Variants in PFKFB4 observed in about 807,000 individuals in gnomAD.
PFKFB4 encodes the protein 6-phosphofructo-2-kinase/fructose-2,6-bisphosphatase 4.
Under a neutral mutation model 62.8 loss-of-function variants are expected in PFKFB4, and 42 were observed. The observed-to-expected ratio is 0.67, with a 90% confidence interval of 0.52 to 0.86. The LOEUF (loss-of-function observed/expected upper bound fraction) is 0.86, where lower values mean the gene tolerates loss of function less well. Ranked by LOEUF, PFKFB4 falls within the 40% of genes least tolerant of loss-of-function variation. The probability of loss-of-function intolerance (pLI) is 0.00; values close to 1 mark genes in which losing one functional copy is unlikely to be tolerated. For missense variants in PFKFB4, 475 were observed against 627.2 expected (o/e 0.76, Z 2.59); for synonymous variants, 204 against 240.7 (o/e 0.85, Z 1.41).
At chr3:48,553,974 C>T (rs1182357578) in intron 1 of PFKFB4, among the ~76,000 whole-genome samples, 1 of 152,168 alleles carries the variant, frequency 6.6e-6, no homozygotes, top group East Asian at 1.9e-4. Flanking sequence ...TCCTCCAGGT[C>T]TGAGCTCGGA....
At chr3:48,549,474 C>T (rs1029325961) in intron 3 of PFKFB4, among the ~76,000 whole-genome samples, 2 of 152,110 alleles carry the variant, frequency 1.3e-5, no homozygotes, top group African/African-American at 2.4e-5. Context: ...CTGGGGTGAG[C>T]GAGCGTGACC....
At chr3:48,523,139 C>A (rs2042149416) in intron 12 of PFKFB4, among the ~76,000 whole-genome samples, 1 of 150,418 alleles carries the variant, frequency 6.6e-6, no homozygotes, top group South Asian at 2.2e-4. Context: ...AATCCCAGCA[C>A]TTTGGGAGGC....
At chr3:48,527,835 A>C (rs2042312475) in intron 9 of PFKFB4, among the ~76,000 whole-genome samples, 1 of 151,888 alleles carries the variant, frequency 6.6e-6, no homozygotes, top group Admixed American at 6.6e-5. Flanking sequence ...TTACAGGCAC[A>C]GGCCACCATG....
In PFKFB4 at chr3:48,538,545, A is replaced by G; in HGVS notation, c.585T>C (p.Ile195=). The G allele has an allele frequency of 6.2e-7, 1 of 1,614,164 alleles. No homozygotes were observed. Among genetic ancestry groups the G allele is most frequent in the South Asian group, 1.1e-5 (1 of 91,088 alleles). The change falls in exon 7 of 14, where the codon ATT becomes ATC. Residue 195 remains isoleucine, a synonymous_variant. Coordinates refer to ENST00000232375, the MANE Select transcript of PFKFB4 (RefSeq NM_004567.4). ...DEATEDFMRR[I]ECYENSYESL... ...ACTCGTAGGAGTTCTCATAGCACTCAATGCGCCTCATGAAGTCCTCCGTAG... is the reference window on the plus strand; with the variant it reads ...ACTCGTAGGAGTTCTCATAGCACTCGATGCGCCTCATGAAGTCCTCCGTAG...
intron 9 of PFKFB4, among the ~76,000 whole-genome samples, chr3:48,530,713 T>G (rs1035683273): frequency 6.6e-6 from 1 of 152,206 alleles, no homozygotes; most frequent in Non-Finnish European, 1.5e-5. Flanking sequence ...TTGTTTTCTT[T>G]TCTTTTGTTT....
rs777027589 is a variant in PFKFB4, at chr3:48,519,927, G to GC, written c.1351-122dup. ...CATTCTCACTGTAGCAGCCACAGCC[G>GC]CAAGACTCTAGACCACAAGCTTCCC... On this transcript the variant is annotated intron_variant, in intron 13 of 13. Transcript: ENST00000232375. The GC allele has an allele frequency of 2.5e-4, 189 of 748,244 alleles. 1 individual carries two copies. Among genetic ancestry groups the GC allele is most frequent in the Non-Finnish European group, 3.8e-4 (165 of 428,658 alleles). 46.4% of individuals were successfully genotyped at this position (748,244 alleles called of 1,614,324 possible).
At chr3:48,544,259 G>A (rs1242962580) in intron 3 of PFKFB4, among the ~76,000 whole-genome samples, 1 of 151,982 alleles carries the variant, frequency 6.6e-6, no homozygotes, top group Non-Finnish European at 1.5e-5. Flanking sequence ...GGGATGGGAG[G>A]AACACTAGGG....
intron 9 of PFKFB4, among the ~76,000 whole-genome samples, chr3:48,531,719 G>A (rs1440991669): frequency 6.6e-6 from 1 of 151,932 alleles, no homozygotes; most frequent in Non-Finnish European, 1.5e-5. Flanking sequence ...CTTGAACCTG[G>A]GAGGTCAAGG....
At chr3:48,540,087 T>C (rs2042753369) in intron 4 of PFKFB4, among the ~76,000 whole-genome samples, 1 of 152,170 alleles carries the variant, frequency 6.6e-6, no homozygotes. Flanking sequence ...GGGCACTCAG[T>C]TTGTGTTTGA....
At chr3:48,553,843 C>T (rs2043228090) in intron 1 of PFKFB4, among the ~76,000 whole-genome samples, 1 of 152,208 alleles carries the variant, frequency 6.6e-6, no homozygotes. Flanking sequence ...GCCCTGTGCA[C>T]ACACCAGTCA....
chr3:48,535,903 C>T (rs1033780022), intron 8 of PFKFB4, among the ~76,000 whole-genome samples: 11 of 152,226 alleles, frequency 7.2e-5, no homozygotes, highest in Non-Finnish European at 4.4e-5. Flanking sequence ...AGGGCCACTG[C>T]CTCCCCACAA....
At chr3:48,546,239 G>C (rs1380298113) in intron 3 of PFKFB4, among the ~76,000 whole-genome samples, 1 of 152,152 alleles carries the variant, frequency 6.6e-6, no homozygotes, top group African/African-American at 2.4e-5. Flanking sequence ...AATGGGCACA[G>C]GTATGAGTGA....
At position 48,521,916 on chromosome 3, in the gene PFKFB4, G is replaced by A; in HGVS notation, c.1350+70C>T. 1 of 1,294,346 alleles carries A rather than the reference G, an allele frequency of 7.7e-7. No homozygotes were observed. The allele number at this position is 1,294,346 out of a possible 1,614,324, so 80.2% of individuals were successfully genotyped here. ...AGGTGCCGCAGCTGGGCCTGGCCCT[G>A]GAGGATGTGCAGTCTGGACACCCCC... On this transcript the variant is annotated intron_variant, in intron 13 of 13. Coordinates refer to ENST00000232375, the MANE Select transcript of PFKFB4 (RefSeq NM_004567.4). The surrounding 1 kb of genome is among the most constrained non-coding windows in gnomAD (Gnocchi z 5.3).
At chr3:48,523,928 C>A in intron 10 of PFKFB4, 98 bp from the exon 11 acceptor site, 1 of 1,339,252 alleles carries the variant, frequency 7.5e-7, no homozygotes, top group Non-Finnish European at 1.0e-6. Flanking sequence ...TGCAGCTACT[C>A]ACCATTCTGG....
At chr3:48,534,800 T>G (rs568248671) in intron 9 of PFKFB4, among the ~76,000 whole-genome samples, 1 of 150,330 alleles carries the variant, frequency 6.7e-6, no homozygotes, top group South Asian at 2.1e-4. Context: ...AACCCAGAAG[T>G]CAGCAGAAGA....
At chr3:48,548,623 C>G (rs970509501) in intron 3 of PFKFB4, 1 of 152,134 alleles carries the variant, frequency 6.6e-6, no homozygotes, top group Non-Finnish European at 1.5e-5. Flanking sequence ...CTATTTTGTG[C>G]GAGACTCCTG....
intron 1 of PFKFB4, among the ~76,000 whole-genome samples, chr3:48,551,055 C>G (rs1394706936): frequency 6.6e-6 from 1 of 152,188 alleles, no homozygotes; most frequent in Admixed American, 6.5e-5. Context: ...GCCCACCCAC[C>G]ACCATCCATG....
chr3:48,534,305 G>A (rs188771035), intron 9 of PFKFB4, among the ~76,000 whole-genome samples: 2 of 152,292 alleles, frequency 1.3e-5, no homozygotes, highest in African/African-American at 4.8e-5. Flanking sequence ...AGGGGTGGCA[G>A]AAAATACCTT....
At chr3:48,535,684 G>C (rs372765635) in intron 8 of PFKFB4, 26 bp from the exon 9 acceptor site, 33 of 1,613,594 alleles carry the variant, frequency 2.0e-5, no homozygotes, top group Non-Finnish European at 2.8e-5. Flanking sequence ...AGCAAACTCA[G>C]ACCCACAGGT....
Sources: gnomAD v4.1 joint callset for allele counts (sites outside exome capture counted in the v4.1 genomes callset) on GRCh38, gnomAD v4.1.1 for gene constraint, Gnocchi (gnomAD v3.1) non-coding constraint, MANE v1.5 for transcripts, NCBI Gene and HGNC (gene_info 2026-07-23, HGNC 2026-07-21) for gene names.